The following APBB2 variants were observed in gnomAD, a reference collection of about 807,000 sequenced individuals.
APBB2 encodes the protein Fe65-like 1.
Under a neutral mutation model 82.5 loss-of-function variants are expected in APBB2, and 38 were observed. The observed-to-expected ratio is 0.46, with a 90% CI of 0.36 to 0.60. The LOEUF (loss-of-function observed/expected upper bound fraction) is 0.60. Among genes scored for constraint, APBB2 ranks in the 20% least tolerant of loss-of-function variants. The pLI, the probability that APBB2 is intolerant of heterozygous loss-of-function variation, is 0.00. For missense variants in APBB2, 772 were observed against 972.3 expected, an observed-to-expected ratio of 0.79 and a Z score of 2.74; for synonymous variants, 341 against 368.2, an observed-to-expected ratio of 0.93 and a Z score of 0.85.
intron 1 of APBB2, among the ~76,000 whole-genome samples, chr4:41,192,580 T>TA (rs1029022120): frequency 2.0e-5 from 3 of 151,656 alleles, no homozygotes; most frequent in Admixed American, 1.3e-4. Context: ...TGTGGAATCT[T>TA]AAAAAAAAAT....
intron 6 of APBB2, among the ~76,000 whole-genome samples, chr4:40,973,371 C>G (rs543578199): frequency 5.3e-5 from 8 of 152,318 alleles, no homozygotes; most frequent in African/African-American, 1.9e-4. Context: ...CAAGAACTTT[C>G]TCTTGACTTA....
chr4:41,014,547 T>C, intron 5 of APBB2, 149 bp from the exon 6 acceptor site: 1 of 782,684 alleles, frequency 1.3e-6, no homozygotes, highest in Non-Finnish European at 2.1e-6. Context: ...CCTCTTTATT[T>C]CACCATTTGT....
intron 6 of APBB2, among the ~76,000 whole-genome samples, chr4:40,945,998 C>T (rs140419885): frequency 0.015 from 2,266 of 152,148 alleles, 58 homozygotes; most frequent in African/African-American, 0.039. Flanking sequence ...TTCGGGAGGC[C>T]GAGGTGGGTG....
Position 40,967,308 on chromosome 4 carries a change from C to A in APBB2, c.836-22235G>T, listed in dbSNP as rs189246239. ...CAAGAACTCGGGACCTGCAGAATGGCAGGGCTGAAAGAGCTGTAACACAAA... is the reference window on the plus strand; with the variant it reads ...CAAGAACTCGGGACCTGCAGAATGGAAGGGCTGAAAGAGCTGTAACACAAA... On this transcript the variant is annotated intron_variant, in intron 6 of 17. Coordinates refer to ENST00000508593, the MANE Select transcript of APBB2 (RefSeq NM_004307.2). 3.1e-3 allele frequency among the ~76,000 whole-genome samples: 478 copies of A among 152,324 alleles called. 1 individual carries two copies. The highest frequency in any genetic ancestry group is 5.6e-3 in the Non-Finnish European group (384 of 68,034).
chr4:40,935,414 G>A, intron 7 of APBB2: 3 of 401,144 alleles, frequency 7.5e-6, no homozygotes, highest in Non-Finnish European at 8.8e-6. Flanking sequence ...ATTTCCTTAA[G>A]GTAATTTTAA....
chr4:41,177,661 G>T (rs1770192819), intron 1 of APBB2: 1 of 152,156 alleles, frequency 6.6e-6, no homozygotes, highest in Non-Finnish European at 1.5e-5. Context: ...CCTACTAGCT[G>T]CACAGCCTGG....
chr4:41,048,612 A>T (rs188692541), intron 4 of APBB2, among the ~76,000 whole-genome samples: 1 of 151,730 alleles, frequency 6.6e-6, no homozygotes, highest in African/African-American at 2.4e-5. Context: ...TCCTCTCAAA[A>T]AATAAAAATA....
chr4:40,942,604 A>C (rs1384479756), intron 7 of APBB2, among the ~76,000 whole-genome samples: 2 of 151,886 alleles, frequency 1.3e-5, no homozygotes, highest in Admixed American at 6.6e-5. Flanking sequence ...GAAAACCACA[A>C]CAGATTTTTA....
chr4:41,005,259 T>A (rs1478127899), intron 6 of APBB2, among the ~76,000 whole-genome samples: 1 of 151,976 alleles, frequency 6.6e-6, no homozygotes, highest in African/African-American at 2.4e-5. Context: ...CCCAACTAAT[T>A]TTGTATTTTT....
chr4:41,042,557 G>A (rs1721933643), intron 4 of APBB2, among the ~76,000 whole-genome samples: 1 of 152,138 alleles, frequency 6.6e-6, no homozygotes, highest in African/African-American at 2.4e-5. Flanking sequence ...CAGAATGTAT[G>A]GACCCATTTC....
At chr4:41,151,445 T>C (rs1247820178) in intron 1 of APBB2, among the ~76,000 whole-genome samples, 2 of 152,340 alleles carry the variant, frequency 1.3e-5, no homozygotes, top group Middle Eastern at 3.4e-3. Flanking sequence ...TTAATGAGAT[T>C]TATCTACATG....
At chr4:40,938,332 G>A (rs1785908113) in intron 7 of APBB2, among the ~76,000 whole-genome samples, 1 of 152,154 alleles carries the variant, frequency 6.6e-6, no homozygotes, top group Non-Finnish European at 1.5e-5. Context: ...AGTGTGTCTA[G>A]GGGGACTGAC....
At chr4:40,942,692 C>A (rs1344305981) in intron 7 of APBB2, among the ~76,000 whole-genome samples, 1 of 152,060 alleles carries the variant, frequency 6.6e-6, no homozygotes, top group Non-Finnish European at 1.5e-5. Context: ...CAAGGGTGTG[C>A]CCTTCTGAGC....
At chr4:41,132,061 T>TAAAC (rs2154007126) in intron 2 of APBB2, among the ~76,000 whole-genome samples, 1 of 151,182 alleles carries the variant, frequency 6.6e-6, no homozygotes, top group Admixed American at 6.6e-5. Flanking sequence ...AATAAATAAA[T>TAAAC]AAATAAAAAG....
At chr4:41,096,684 G>GA (rs995747358) in intron 3 of APBB2, among the ~76,000 whole-genome samples, 2 of 152,124 alleles carry the variant, frequency 1.3e-5, no homozygotes, top group Non-Finnish European at 2.9e-5. Flanking sequence ...CATAATGGGA[G>GA]AAAAAAACCT....
At chr4:41,032,585 C>T (rs1413374940) in intron 5 of APBB2, among the ~76,000 whole-genome samples, 1 of 152,000 alleles carries the variant, frequency 6.6e-6, no homozygotes, top group Non-Finnish European at 1.5e-5. Flanking sequence ...AACACCTACT[C>T]CTTTGTTGAC....
chr4:41,017,348 G>GAA (rs1344363228), intron 5 of APBB2, among the ~76,000 whole-genome samples: 2 of 152,178 alleles, frequency 1.3e-5, no homozygotes, highest in Non-Finnish European at 1.5e-5. Flanking sequence ...GTTCCTCTAG[G>GAA]AGTTACATAT....
chr4:40,975,310 AT>A (rs1314009472), intron 6 of APBB2, among the ~76,000 whole-genome samples: 8 of 152,212 alleles, frequency 5.3e-5, no homozygotes, highest in Non-Finnish European at 8.8e-5. Context: ...GTTCCAGTAT[AT>A]GGACAACAGG....
Position 41,014,367 on chromosome 4 carries a change from A to T in APBB2, c.51T>A (p.Phe17Leu), listed in dbSNP as rs1195386911. ...CGTCTGTAGTTCCGCTGCTGGCCAT[A>T]AACACTGCCAAGGTGTCAACACCTG... is the stretch of plus-strand genomic sequence containing the variant. ...ADSGVDTLAV[F>L]MASSGTTDVT... Residue 17 changes from phenylalanine to leucine, a missense_variant, in exon 6 of 18, where the codon TTT (phenylalanine) becomes TTA (leucine). Physicochemically the swap from Phe to Leu is conservative, Grantham distance 22 (BLOSUM62 0). Coordinates refer to ENST00000508593, the MANE Select transcript of APBB2 (RefSeq NM_004307.2). The T allele has an allele frequency of 6.2e-7, 1 of 1,614,116 alleles. No individual in the cohort carries two copies. Among genetic ancestry groups the T allele is most frequent in the Admixed American group, 1.7e-5 (1 of 60,028 alleles).
Sources: allele counts gnomAD v4.1 joint callset (sites outside exome capture counted in the v4.1 genomes callset), GRCh38; gene constraint gnomAD v4.1.1; transcripts MANE v1.5; gene names NCBI Gene and HGNC (gene_info 2026-07-23, HGNC 2026-07-21).